The following TBC1D19 variants were observed in gnomAD, a reference collection of about 807,000 sequenced individuals.
TBC1D19 encodes TBC1 domain family, member 19.
Under a neutral mutation model 89.0 loss-of-function variants are expected in TBC1D19, and 60 were observed. That is an observed-to-expected ratio of 0.67 (90% confidence interval 0.55 to 0.84). The LOEUF (loss-of-function observed/expected upper bound fraction) is 0.84, where lower values mean the gene tolerates loss of function less well. Among genes scored for constraint, TBC1D19 ranks in the 40% least tolerant of loss-of-function variants. TBC1D19 has a pLI of 0.00. For missense variants in TBC1D19, 500 were observed against 610.8 expected, an observed-to-expected ratio of 0.82 and a Z score of 1.91; for synonymous variants, 189 against 199.7, an observed-to-expected ratio of 0.95 and a Z score of 0.45.
intron 4 of TBC1D19, among the ~76,000 whole-genome samples, chr4:26,622,476 A>G (rs1742120477): frequency 6.6e-6 from 1 of 152,056 alleles, no homozygotes; most frequent in Non-Finnish European, 1.5e-5. Flanking sequence ...TGCTGAGAAT[A>G]TATGTGAGTG....
intron 4 of TBC1D19, among the ~76,000 whole-genome samples, chr4:26,631,153 C>T (rs1170658416): frequency 6.6e-6 from 1 of 152,046 alleles, no homozygotes; most frequent in Non-Finnish European, 1.5e-5. Context: ...TAGACATGGC[C>T]AGCAACTGGG....
intron 13 of TBC1D19, among the ~76,000 whole-genome samples, chr4:26,711,206 G>T (rs559993353): frequency 6.6e-6 from 1 of 152,176 alleles, no homozygotes; most frequent in Admixed American, 6.6e-5. Flanking sequence ...TTTGCATAAG[G>T]TGTAAGGAAG....
chr4:26,655,220 C>T (rs1396077940), intron 7 of TBC1D19, among the ~76,000 whole-genome samples: 2 of 152,196 alleles, frequency 1.3e-5, no homozygotes, highest in Non-Finnish European at 2.9e-5. Context: ...GCTGCCTGAT[C>T]GTTCCTCTGG....
chr4:26,692,814 G>A (rs975653057), intron 13 of TBC1D19, among the ~76,000 whole-genome samples: 14 of 152,198 alleles, frequency 9.2e-5, no homozygotes, highest in Non-Finnish European at 1.6e-4. Flanking sequence ...AGGACCATAC[G>A]TTTAATTGAA....
the TBC1D19 span, among the ~76,000 whole-genome samples, chr4:26,809,009 A>G: frequency 9.8e-5 from 15 of 152,328 alleles, no homozygotes; most frequent in Admixed American, 4.6e-4. Context: ...CCAGCTGATC[A>G]ATTATTTTGT....
the TBC1D19 span, among the ~76,000 whole-genome samples, chr4:26,766,800 A>C: frequency 6.6e-6 from 1 of 152,188 alleles, no homozygotes; most frequent in Non-Finnish European, 1.5e-5. Flanking sequence ...ACAAAATGTA[A>C]ATCAGTACCA....
At chr4:26,580,608 A>C (rs577184749), upstream of TBC1D19, among the ~76,000 whole-genome samples, 1 of 152,330 alleles carries the variant, frequency 6.6e-6, no homozygotes, top group East Asian at 1.9e-4. Context: ...AACACACATC[A>C]TGATTTTTGT....
intron 2 of TBC1D19, among the ~76,000 whole-genome samples, chr4:26,614,169 A>C (rs1741537332): frequency 2.6e-5 from 4 of 152,250 alleles, no homozygotes. Flanking sequence ...AAAATGGTGC[A>C]ATAATGATAT....
chr4:26,735,600 G>A (rs754538323), intron 16 of TBC1D19, 113 bp downstream of exon 16: 9 of 996,374 alleles, frequency 9.0e-6, no homozygotes, highest in South Asian at 4.6e-5. Flanking sequence ...AAACAATAAA[G>A]GAAAAAATAA....
chr4:26,786,949 C>T, the TBC1D19 span, among the ~76,000 whole-genome samples: 1 of 152,194 alleles, frequency 6.6e-6, no homozygotes, highest in Non-Finnish European at 1.5e-5. Flanking sequence ...GCTACATGAC[C>T]TCAGGAGATT....
At chr4:26,676,580 A>G (rs559866434) in intron 11 of TBC1D19, among the ~76,000 whole-genome samples, 1 of 152,120 alleles carries the variant, frequency 6.6e-6, no homozygotes, top group African/African-American at 2.4e-5. Flanking sequence ...TTAGCCAGGC[A>G]TGGTAGTGCA....
the TBC1D19 span, among the ~76,000 whole-genome samples, chr4:26,785,833 G>T: frequency 6.6e-6 from 1 of 152,126 alleles, no homozygotes; most frequent in Non-Finnish European, 1.5e-5. Context: ...GGGGTCTTTA[G>T]GAACTTTTTA....
chr4:26,604,884 AAATAAT>A (rs148779244), intron 1 of TBC1D19, among the ~76,000 whole-genome samples: 34,045 of 149,504 alleles, frequency 0.23, 4,791 homozygotes, highest in Admixed American at 0.34. Context: ...AATCCATCTC[AAATAAT>A]AATAATAATA....
At chr4:26,795,950 G>A in the TBC1D19 span, among the ~76,000 whole-genome samples, 2 of 152,084 alleles carry the variant, frequency 1.3e-5, no homozygotes, top group African/African-American at 2.4e-5. Flanking sequence ...ACATAGACAA[G>A]CAGATATGAG....
chr4:26,690,993 A>T (rs2109167023), intron 13 of TBC1D19, among the ~76,000 whole-genome samples: 1 of 152,324 alleles, frequency 6.6e-6, no homozygotes, highest in South Asian at 2.1e-4. Flanking sequence ...CATTAAGAAC[A>T]TTTGTGATTC....
chr4:26,599,780 T>C (rs1474233025), intron 1 of TBC1D19, among the ~76,000 whole-genome samples: 1 of 151,924 alleles, frequency 6.6e-6, no homozygotes, highest in African/African-American at 2.4e-5. Context: ...GCCATGTCTC[T>C]ACTAGAGTAC....
intron 13 of TBC1D19, among the ~76,000 whole-genome samples, chr4:26,705,078 A>T (rs566878297): frequency 6.6e-6 from 1 of 152,136 alleles, no homozygotes; most frequent in East Asian, 1.9e-4. Context: ...CAGGAAAAAA[A>T]TGTCTATTGA....
intron 11 of TBC1D19, among the ~76,000 whole-genome samples, chr4:26,680,728 A>C (rs1476309735): frequency 6.6e-6 from 1 of 152,236 alleles, no homozygotes; most frequent in Non-Finnish European, 1.5e-5. Flanking sequence ...TCTTATACCT[A>C]CAGTATTGAT....
At chr4:26,629,078 TTC>T (rs1342559295) in intron 4 of TBC1D19, among the ~76,000 whole-genome samples, 1 of 151,912 alleles carries the variant, frequency 6.6e-6, no homozygotes, top group Non-Finnish European at 1.5e-5. Context: ...TGCACATACT[TTC>T]TCTCTCTCTA....
Sources: gnomAD v4.1 joint callset for allele counts (sites outside exome capture counted in the v4.1 genomes callset) on GRCh38, gnomAD v4.1.1 for gene constraint, MANE v1.5 for transcripts, NCBI Gene and HGNC (gene_info 2026-07-23, HGNC 2026-07-21) for gene names.